PVT1: variants seen among roughly 807,000 people sequenced by gnomAD.
The protein encoded by PVT1 is CXCR4/PVT1 fusion.
In PVT1 at chr8:128,029,638, A is replaced by G. The variant is rs55856483; in HGVS notation, n.912+40347A>G. Among the ~76,000 whole-genome samples, 1,378 of 152,226 alleles carry G rather than the reference A, an allele frequency of 9.1e-3. 19 individuals carry two copies. The highest frequency in any genetic ancestry group is 0.077 in the East Asian group (396 of 5,158). On this transcript the variant is annotated intron_variant and non_coding_transcript_variant, in intron 4 of 10. Transcript: ENST00000651587. ...AACATGGTGAAACACCGTCTTTACT[A>G]AAAATACAAAAATTAGCTGAGCGTG...
chr8:128,069,321 T>C (rs1436343514), intron 4 of PVT1, among the ~76,000 whole-genome samples: 1 of 152,174 alleles, frequency 6.6e-6, no homozygotes, highest in Non-Finnish European at 1.5e-5. Flanking sequence ...CAGTTAAACT[T>C]CAGTCATTAC....
At chr8:127,937,616 T>G in intron 3 of PVT1, among the ~76,000 whole-genome samples, 1 of 101,174 alleles carries the variant, frequency 9.9e-6, no homozygotes, top group African/African-American at 3.5e-5. Context: ...GAGACCAACG[T>G]GGCCTCTCTA....
At chr8:128,068,058 A>T (rs551368057) in intron 4 of PVT1, among the ~76,000 whole-genome samples, 1 of 151,228 alleles carries the variant, frequency 6.6e-6, no homozygotes, top group Non-Finnish European at 1.5e-5. Flanking sequence ...ACCCAATTAC[A>T]ACTCTTGCCT....
chr8:127,991,983 A>T (rs1286430091), intron 4 of PVT1, among the ~76,000 whole-genome samples: 1 of 151,414 alleles, frequency 6.6e-6, no homozygotes, highest in African/African-American at 2.4e-5. Context: ...GGAGTCAGAC[A>T]CTTAGGGTCT....
chr8:128,044,314 C>A (rs567004042), intron 4 of PVT1, among the ~76,000 whole-genome samples: 1 of 152,068 alleles, frequency 6.6e-6, no homozygotes, highest in African/African-American at 2.4e-5. Context: ...GACAGTCTGA[C>A]ACCCCCAACC....
At chr8:127,955,969 G>T (rs1034943033) in intron 3 of PVT1, among the ~76,000 whole-genome samples, 2 of 152,226 alleles carry the variant, frequency 1.3e-5, no homozygotes, top group African/African-American at 4.8e-5. Flanking sequence ...GTTTCTGCAA[G>T]GGCTAAATTT....
intron 5 of PVT1, among the ~76,000 whole-genome samples, chr8:128,088,855 C>T (rs753552017): frequency 6.6e-6 from 1 of 152,156 alleles, no homozygotes; most frequent in Non-Finnish European, 1.5e-5. Context: ...TGTAGACCAG[C>T]GGTTTCGGGA....
At chr8:127,799,462 CACAGTCA>C (rs1814437399) in intron 2 of PVT1, among the ~76,000 whole-genome samples, 1 of 152,132 alleles carries the variant, frequency 6.6e-6, no homozygotes, top group Admixed American at 6.6e-5. Context: ...AAACAAGATA[CACAGTCA>C]ACAGTCATTA....
At chr8:127,910,743 A>G (rs927895705) in intron 3 of PVT1, among the ~76,000 whole-genome samples, 1 of 152,190 alleles carries the variant, frequency 6.6e-6, no homozygotes, top group African/African-American at 2.4e-5. Flanking sequence ...GCCCCATTTT[A>G]CAAACAAGAA....
At chr8:127,995,064 A>G (rs1006116320) in intron 4 of PVT1, among the ~76,000 whole-genome samples, 13 of 152,202 alleles carry the variant, frequency 8.5e-5, no homozygotes. Context: ...CTGCAGAGAC[A>G]CAGTCTATCC....
rs185774846 is a variant in PVT1, at chr8:128,015,704, C to T, written n.912+26413C>T. Among the ~76,000 whole-genome samples, 186 of 136,670 alleles carry T rather than the reference C, an allele frequency of 1.4e-3. No homozygotes were observed. In the East Asian group the frequency reaches 0.04, roughly 29 times the overall value. 89.7% of individuals were successfully genotyped at this position (136,670 alleles called of 152,430 possible). On this transcript the variant is annotated intron_variant and non_coding_transcript_variant, in intron 4 of 10. Coordinates refer to ENST00000651587, the Ensembl canonical transcript of PVT1. ...AGGAGAATCGCTTGAACCTGGGAGG[C>T]GGAGGTTGCAGTGAGCCAAGATCAC...
At chr8:127,820,415 A>G (rs900672622) in intron 2 of PVT1, among the ~76,000 whole-genome samples, 1 of 152,228 alleles carries the variant, frequency 6.6e-6, no homozygotes, top group African/African-American at 2.4e-5. Flanking sequence ...TTAAACTTCC[A>G]GATGTTCCTC....
In PVT1 at chr8:127,860,764, C is replaced by CAAAAA. The variant is rs1224612475; in HGVS notation, n.373-29809_373-29805dup. 6.3e-5 allele frequency among the ~76,000 whole-genome samples: 4 copies of CAAAAA among 63,180 alleles called. No individual in the cohort carries two copies. The East Asian group carries it at 1.7e-3, about 27-fold the overall frequency. 41.4% of individuals were successfully genotyped at this position (63,180 alleles called of 152,430 possible). On this transcript the variant is annotated intron_variant and non_coding_transcript_variant, in intron 2 of 10. Transcript: ENST00000651587. ...TGGGTGACAGAGCAAGACCCAATCTCAAAAAAAAAAAAAAAAAAAAGGAGA... is the reference window on the plus strand; with the variant it reads ...TGGGTGACAGAGCAAGACCCAATCTCAAAAAAAAAAAAAAAAAAAAAAAAAGGAGA...
chr8:128,087,251 C>T (rs1167091565), intron 5 of PVT1, among the ~76,000 whole-genome samples: 1 of 152,210 alleles, frequency 6.6e-6, no homozygotes, highest in East Asian at 1.9e-4. Flanking sequence ...AAACTCCCTT[C>T]CCTCGATGGA....
intron 3 of PVT1, among the ~76,000 whole-genome samples, chr8:127,968,479 G>A (rs1186319196): frequency 2.0e-5 from 3 of 152,132 alleles, no homozygotes; most frequent in Admixed American, 6.5e-5. Context: ...TCTTGGAGAT[G>A]AGGTCAGCAC....
chr8:127,982,818 CCT>C (rs879778939), intron 3 of PVT1, among the ~76,000 whole-genome samples: 14 of 152,142 alleles, frequency 9.2e-5, no homozygotes, highest in Non-Finnish European at 1.8e-4. Context: ...TCCCCAGACC[CCT>C]GTTTCTCCTC....
At chr8:128,022,862 ATTTTTTTTTT>A (rs57327175) in intron 4 of PVT1, among the ~76,000 whole-genome samples, 1 of 133,956 alleles carries the variant, frequency 7.5e-6, no homozygotes, top group Non-Finnish European at 1.6e-5. Context: ...GCAAGCTGAG[ATTTTTTTTTT>A]TTTTTTTTTT....
chr8:127,891,377 T>G (rs1287906252), intron 3 of PVT1, among the ~76,000 whole-genome samples: 1 of 152,162 alleles, frequency 6.6e-6, no homozygotes, highest in African/African-American at 2.4e-5. Context: ...TGGAAAGATA[T>G]GCATGGGGGG....
chr8:127,932,780 C>T, intron 3 of PVT1: 1 of 314,128 alleles, frequency 3.2e-6, no homozygotes, highest in Non-Finnish European at 5.8e-6. Context: ...ATATACACAT[C>T]TCTGACTGTA....
Sources: gnomAD v4.1 joint callset for allele counts (sites outside exome capture counted in the v4.1 genomes callset) on GRCh38, gnomAD v4.1.1 for gene constraint, MANE v1.5 for transcripts, NCBI Gene and HGNC (gene_info 2026-07-23, HGNC 2026-07-21) for gene names.